Variants in RHBDD1 observed in about 807,000 individuals in gnomAD.
RHBDD1 encodes rhomboid-related protein 4.
In RHBDD1, 38 loss-of-function variants were observed where a neutral mutation model predicts 36.3. The observed-to-expected ratio is 1.05, with a 90% CI of 0.81 to 1.37. The LOEUF is 1.37. Ranked by LOEUF, RHBDD1 falls within the 40% of genes most tolerant of loss-of-function variation. RHBDD1 has a pLI of 0.00. For synonymous variants in RHBDD1, 151 were observed against 136.5 expected (o/e 1.11, Z -0.74); for missense variants, 393 against 377.6 (o/e 1.04, Z -0.34).
chr2:226,872,822 A>G (rs1034219149), intron 5 of RHBDD1, among the ~76,000 whole-genome samples: 3 of 152,226 alleles, frequency 2.0e-5, no homozygotes, highest in Non-Finnish European at 4.4e-5. Context: ...TGTGATTTGC[A>G]TATAATTTTG....
intron 7 of RHBDD1, among the ~76,000 whole-genome samples, chr2:226,910,648 A>G (rs1056958366): frequency 6.6e-6 from 1 of 152,056 alleles, no homozygotes; most frequent in African/African-American, 2.4e-5. Flanking sequence ...TTCTTTTACT[A>G]CAGAGCCTAA....
chr2:226,993,413 G>A (rs1335931657), intron 8 of RHBDD1, among the ~76,000 whole-genome samples: 1 of 152,200 alleles, frequency 6.6e-6, no homozygotes, highest in Non-Finnish European at 1.5e-5. Flanking sequence ...GCACTCACAA[G>A]TGCAATTAAG....
At position 226,864,908 on chromosome 2, in the gene RHBDD1, C is replaced by G; in HGVS notation, c.215C>G (p.Pro72Arg). Residue 72 changes from proline (P) to arginine (R), a missense_variant, in exon 4 of 9, where the codon CCC (proline) becomes CGC (arginine). Transcript: ENST00000392062. Reference protein sequence around the residue: ...QKDWQRLLLSPLHHADDWHLY... With the variant: ...QKDWQRLLLSRLHHADDWHLY... ...GACTGGCAGCGTTTACTGCTCTCTC[C>G]CCTTCACCATGCTGATGATTGGCAT... 1 of 1,614,172 alleles carries G rather than the reference C, an allele frequency of 6.2e-7. No homozygotes were observed. The highest frequency in any genetic ancestry group is 2.2e-5 in the East Asian group (1 of 44,884).
intron 8 of RHBDD1, among the ~76,000 whole-genome samples, chr2:226,985,797 G>A (rs775130890): frequency 1.4e-4 from 22 of 152,226 alleles, no homozygotes; most frequent in Non-Finnish European, 2.8e-4. Context: ...GGTTAGGGAT[G>A]ATTCCAGACC....
intron 8 of RHBDD1, among the ~76,000 whole-genome samples, chr2:226,931,434 A>G (rs184852269): frequency 6.6e-6 from 1 of 152,122 alleles, no homozygotes; most frequent in Non-Finnish European, 1.5e-5. Context: ...AGTGGGAGCT[A>G]AACTATGAGT....
At chr2:226,902,226 T>G (rs1203187170) in intron 5 of RHBDD1, among the ~76,000 whole-genome samples, 2 of 152,214 alleles carry the variant, frequency 1.3e-5, no homozygotes, top group African/African-American at 4.8e-5. Flanking sequence ...CTTCACAACT[T>G]CTGTTTAACA....
chr2:226,877,777 C>CT (rs930875769), intron 5 of RHBDD1, among the ~76,000 whole-genome samples: 8 of 152,084 alleles, frequency 5.3e-5, no homozygotes, highest in African/African-American at 1.9e-4. Context: ...GTGGACTAAT[C>CT]TTGGTGTTTA....
chr2:226,819,973 G>A, the RHBDD1 span, among the ~76,000 whole-genome samples: 1 of 98,248 alleles, frequency 1.0e-5, no homozygotes, highest in African/African-American at 4.9e-5. Flanking sequence ...TACATATTGT[G>A]TGTGTTTTTT....
intron 8 of RHBDD1, among the ~76,000 whole-genome samples, chr2:226,934,841 A>C (rs1950239433): frequency 6.7e-6 from 1 of 148,370 alleles, no homozygotes; most frequent in African/African-American, 2.5e-5. Flanking sequence ...CCCTCTGTGC[A>C]TAATTTATGC....
At chr2:226,940,742 G>T (rs1432999897) in intron 8 of RHBDD1, among the ~76,000 whole-genome samples, 1 of 152,096 alleles carries the variant, frequency 6.6e-6, no homozygotes, top group East Asian at 1.9e-4. Flanking sequence ...TGACACGTTG[G>T]TTTCAGATCA....
chr2:226,962,638 G>A (rs751147182), intron 8 of RHBDD1, among the ~76,000 whole-genome samples: 48 of 152,156 alleles, frequency 3.2e-4, no homozygotes, highest in Non-Finnish European at 5.9e-4. Context: ...TTTCCAGTAT[G>A]CAGGAACTGG....
intron 5 of RHBDD1, among the ~76,000 whole-genome samples, chr2:226,899,061 G>C (rs1947367052): frequency 6.6e-6 from 1 of 152,218 alleles, no homozygotes. Flanking sequence ...ATTTAATAGA[G>C]GAGGGCCTTT....
chr2:226,858,011 T>C (rs1341932017), intron 3 of RHBDD1, among the ~76,000 whole-genome samples: 2 of 152,168 alleles, frequency 1.3e-5, no homozygotes, highest in Non-Finnish European at 2.9e-5. Context: ...GTGGGAGTTA[T>C]TTATATCCTG....
In RHBDD1 at chr2:226,904,415, G is replaced by C. The variant is rs550429873; in HGVS notation, c.567-2378G>C. On this transcript the variant is annotated intron_variant, in intron 5 of 8. Transcript: ENST00000392062. ...CACCACTGTGGCACATCCTGCAAGC[G>C]GGGGGGGAGGGGGGTCAGGGAACTC... Among the ~76,000 whole-genome samples, 17 of 124,532 alleles carry C rather than the reference G, an allele frequency of 1.4e-4. 1 individual carries two copies. The highest frequency in any genetic ancestry group is 3.5e-4 in the African/African-American group (11 of 31,414). The allele number at this position is 124,532 out of a possible 152,430, so 81.7% of individuals were successfully genotyped here.
chr2:226,924,411 T>G (rs566329190), intron 8 of RHBDD1, among the ~76,000 whole-genome samples: 1 of 152,264 alleles, frequency 6.6e-6, no homozygotes, highest in South Asian at 2.1e-4. Flanking sequence ...TCTTTACTCT[T>G]CCGTTTTCTC....
chr2:226,953,290 C>A (rs574411656), intron 8 of RHBDD1, among the ~76,000 whole-genome samples: 2 of 152,264 alleles, frequency 1.3e-5, no homozygotes, highest in Admixed American at 6.5e-5. Flanking sequence ...ACGATTATAA[C>A]CCAACGGTGT....
rs1959184694 is a variant in RHBDD1 at position 226,995,762 on chromosome 2, G to C, written c.*240G>C. On this transcript the variant is annotated 3_prime_UTR_variant, in exon 9 of 9. Coordinates refer to ENST00000392062, the MANE Select transcript of RHBDD1 (RefSeq NM_001167608.3). ...ATAAACAGGTCACTTCCTCCATGAA[G>C]AGACCAGTTTCCACGCTCCCATCTC... 5.8e-6 allele frequency: 3 copies of C among 518,328 alleles called. No individual in the cohort carries two copies. The highest frequency in any genetic ancestry group is 1.0e-5 in the Non-Finnish European group (3 of 294,786). The allele number at this position is 518,328 out of a possible 1,614,324, so 32.1% of individuals were successfully genotyped here.
the RHBDD1 span, among the ~76,000 whole-genome samples, chr2:226,824,874 G>A: frequency 1.3e-5 from 2 of 152,174 alleles, no homozygotes; most frequent in African/African-American, 4.8e-5. Context: ...CAGAGATACA[G>A]CTGTGTTTAT....
intron 3 of RHBDD1, among the ~76,000 whole-genome samples, chr2:226,852,942 T>C (rs1942971428): frequency 6.9e-6 from 1 of 144,794 alleles, no homozygotes; most frequent in East Asian, 2.0e-4. Flanking sequence ...TTATTATTAT[T>C]ATTATTTGTA....
Sources: allele counts gnomAD v4.1 joint callset (sites outside exome capture counted in the v4.1 genomes callset), GRCh38; gene constraint gnomAD v4.1.1; transcripts MANE v1.5; gene names NCBI Gene and HGNC (gene_info 2026-07-23, HGNC 2026-07-21).